The following TEKTL1 variants were observed in gnomAD, a reference collection of about 807,000 sequenced individuals.
The protein encoded by TEKTL1 is tektin like 1.
chr19:15,010,751 A>C, the TEKTL1 span: 2 of 1,429,048 alleles, frequency 1.4e-6, no homozygotes, highest in African/African-American at 1.4e-5. Context: ...CAGGCCAGGA[A>C]AGAGTTGTGT....
the TEKTL1 span, among the ~76,000 whole-genome samples, chr19:15,012,895 C>T: frequency 6.6e-6 from 1 of 151,628 alleles, no homozygotes; most frequent in Admixed American, 6.6e-5. Flanking sequence ...CTGAGGAGAG[C>T]GGCTGATACC....
At chr19:15,021,954 C>G in the TEKTL1 span, 3 of 1,513,568 alleles carry the variant, frequency 2.0e-6, no homozygotes, top group Non-Finnish European at 2.7e-6. Flanking sequence ...CTAGGCCCAG[C>G]CCCGCCAATG....
chr19:15,019,439 T>C, the TEKTL1 span, among the ~76,000 whole-genome samples: 30,161 of 152,042 alleles, frequency 0.2, 3,187 homozygotes, highest in African/African-American at 0.27. Context: ...TGTTAATTAG[T>C]TTGATAACAT....
chr19:15,011,734 CAAAAA>C, the TEKTL1 span, among the ~76,000 whole-genome samples: 4 of 121,796 alleles, frequency 3.3e-5, no homozygotes, highest in African/African-American at 9.1e-5. Context: ...AACTCCATCT[CAAAAA>C]AAAAAAAAAA....
the TEKTL1 span, chr19:15,010,954 G>A: frequency 1.9e-6 from 3 of 1,590,992 alleles, no homozygotes; most frequent in South Asian, 2.3e-5. Flanking sequence ...GGCAGGAGGC[G>A]GTGACCATGT....
At chr19:15,011,164 G>T in the TEKTL1 span, 1 of 1,506,814 alleles carries the variant, frequency 6.6e-7, no homozygotes, top group East Asian at 2.5e-5. Context: ...CGCTACCCTT[G>T]CACCGCAAAG....
the TEKTL1 span, chr19:15,022,835 G>A: frequency 1.9e-6 from 3 of 1,552,378 alleles, no homozygotes; most frequent in Admixed American, 2.0e-5. Context: ...GTAGCCATCT[G>A]CTCTGGCTCA....
At chr19:15,020,142 C>T in the TEKTL1 span, among the ~76,000 whole-genome samples, 1 of 151,444 alleles carries the variant, frequency 6.6e-6, no homozygotes, top group Non-Finnish European at 1.5e-5. Flanking sequence ...ACCCCTTCTT[C>T]ACAAAAAGTT....
the TEKTL1 span, chr19:15,023,080 C>T: frequency 8.1e-6 from 13 of 1,608,624 alleles, no homozygotes; most frequent in African/African-American, 1.5e-4. Flanking sequence ...GGGACCCGCG[C>T]ACGCCGCCGC....
chr19:15,019,929 T>C, the TEKTL1 span, among the ~76,000 whole-genome samples: 1 of 150,654 alleles, frequency 6.6e-6, no homozygotes, highest in Admixed American at 6.7e-5. Context: ...ATTCCACCAC[T>C]GCACTACAAC....
the TEKTL1 span, chr19:15,013,795 CA>C: frequency 1.9e-5 from 30 of 1,543,046 alleles, no homozygotes; most frequent in Non-Finnish European, 2.7e-5. Flanking sequence ...TGCCTGTGGA[CA>C]AGTTACGGGG....
At chr19:15,010,923 ACATTCTGACCGATCGCT>A in the TEKTL1 span, 9 of 1,579,684 alleles carry the variant, frequency 5.7e-6, no homozygotes, top group Non-Finnish European at 7.7e-6. Context: ...AGGACCGCGC[ACATTCTGACCGATCGCT>A]GCGGGCAGGA....
chr19:15,011,014 C>T, the TEKTL1 span: 13 of 1,584,724 alleles, frequency 8.2e-6, no homozygotes, highest in Non-Finnish European at 1.1e-5. Context: ...ACCACCTCGG[C>T]CGCGCCGCCT....
the TEKTL1 span, among the ~76,000 whole-genome samples, chr19:15,020,115 C>G: frequency 6.6e-6 from 1 of 151,652 alleles, no homozygotes; most frequent in African/African-American, 2.4e-5. Context: ...CAAGACCAGC[C>G]TAGACAACAT....
the TEKTL1 span, among the ~76,000 whole-genome samples, chr19:15,015,695 T>G: frequency 6.6e-6 from 1 of 150,444 alleles, no homozygotes; most frequent in Non-Finnish European, 1.5e-5. Flanking sequence ...AGAGCAAGAT[T>G]CTATATAAAT....
chr19:15,021,695 C>T, the TEKTL1 span: 4 of 1,614,008 alleles, frequency 2.5e-6, no homozygotes, highest in Non-Finnish European at 3.4e-6. Context: ...TTGTACACCA[C>T]CCACGGTCTC....
At chr19:15,012,667 C>T in the TEKTL1 span, among the ~76,000 whole-genome samples, 7 of 152,140 alleles carry the variant, frequency 4.6e-5, no homozygotes, top group Admixed American at 1.3e-4. Context: ...AGCTTCCCTG[C>T]CCCAGAGGAG....
chr19:15,012,926 A>T, the TEKTL1 span, among the ~76,000 whole-genome samples: 1 of 129,602 alleles, frequency 7.7e-6, no homozygotes, highest in African/African-American at 2.8e-5. Context: ...CCCAGGTGAA[A>T]CTCCCCCCCA....
chr19:15,017,307 G>T, the TEKTL1 span, among the ~76,000 whole-genome samples: 4 of 152,162 alleles, frequency 2.6e-5, no homozygotes, highest in Admixed American at 2.0e-4. Flanking sequence ...CAGAGGAAAG[G>T]GGAGCCAGAG....
Sources: gnomAD v4.1 joint callset for allele counts (sites outside exome capture counted in the v4.1 genomes callset) on GRCh38, gnomAD v4.1.1 for gene constraint, MANE v1.5 for transcripts, NCBI Gene and HGNC (gene_info 2026-07-23, HGNC 2026-07-21) for gene names.